The following TASP1 variants were observed in gnomAD, a reference collection of about 807,000 sequenced individuals.
The protein encoded by TASP1 is taspase 1.
TASP1 carries 16 observed loss-of-function variants against 56.6 expected under a neutral mutation model. The observed-to-expected ratio is 0.28, with a 90% confidence interval of 0.19 to 0.43. The LOEUF (loss-of-function observed/expected upper bound fraction) is 0.43, where lower values mean the gene tolerates loss of function less well. Ranked by LOEUF, TASP1 falls within the 20% of genes least tolerant of loss-of-function variation. TASP1 has a pLI of 1.00. For synonymous variants in TASP1, 179 were observed against 184.2 expected (o/e 0.97, Z 0.23); for missense variants, 393 against 511.6 (o/e 0.77, Z 2.24).
intron 10 of TASP1, among the ~76,000 whole-genome samples, chr20:13,523,958 G>A (rs562191085): frequency 2.0e-5 from 3 of 152,040 alleles, no homozygotes; most frequent in South Asian, 4.2e-4. Context: ...AGACCAGCCC[G>A]GGCAACACAG....
intron 1 of TASP1, among the ~76,000 whole-genome samples, chr20:13,634,302 T>C (rs983076004): frequency 9.2e-5 from 14 of 152,150 alleles, no homozygotes; most frequent in Admixed American, 1.3e-4. Context: ...TATGATTCCA[T>C]TTATATGAAA....
At chr20:13,393,748 C>A in intron 13 of TASP1, 1 of 696,566 alleles carries the variant, frequency 1.4e-6, no homozygotes, top group South Asian at 1.6e-5. Context: ...AGTCCCTGCC[C>A]ACACTCAGTC....
chr20:13,588,843 A>C (rs1006446445), intron 4 of TASP1, among the ~76,000 whole-genome samples: 4 of 152,190 alleles, frequency 2.6e-5, no homozygotes, highest in African/African-American at 9.7e-5. Flanking sequence ...CAAGAGACGC[A>C]GAATAACCAA....
At chr20:13,343,788 G>A in the TASP1 span, among the ~76,000 whole-genome samples, 1 of 152,118 alleles carries the variant, frequency 6.6e-6, no homozygotes, top group Non-Finnish European at 1.5e-5. Context: ...CCCAGCAGAC[G>A]GTTGCATCCT....
the TASP1 span, among the ~76,000 whole-genome samples, chr20:13,171,526 C>T: frequency 6.6e-6 from 1 of 152,042 alleles, no homozygotes; most frequent in Admixed American, 6.6e-5. Flanking sequence ...GCTATAACTG[C>T]TATATACAGT....
At chr20:13,166,818 C>T in the TASP1 span, 2 of 152,184 alleles carry the variant, frequency 1.3e-5, no homozygotes, top group Admixed American at 1.3e-4. Context: ...AAGTTTTAAG[C>T]CCCTAGACAT....
At chr20:13,419,432 A>C (rs763777781) in intron 12 of TASP1, among the ~76,000 whole-genome samples, 15 of 152,186 alleles carry the variant, frequency 9.9e-5, no homozygotes, top group Non-Finnish European at 1.5e-4. Context: ...ATTATATCTA[A>C]ATAAAAAGTT....
At position 13,390,195 on chromosome 20, in the gene TASP1, G is replaced by A. The variant is rs776637505; in HGVS notation, c.*165C>T. ...TCCCGCTCACCCACCAAAGGCCCGCGTGTCACTAAGCGCTAACTACAGCAG... is the reference window on the plus strand; with the variant it reads ...TCCCGCTCACCCACCAAAGGCCCGCATGTCACTAAGCGCTAACTACAGCAG... On this transcript the variant is annotated 3_prime_UTR_variant, in exon 14 of 14. Transcript: ENST00000337743. 11 of 606,782 alleles carry A rather than the reference G, an allele frequency of 1.8e-5. No homozygotes were observed. The highest frequency in any genetic ancestry group is 2.7e-4 in the Middle Eastern group (1 of 3,718). The allele number at this position is 606,782 out of a possible 1,614,324, so 37.6% of individuals were successfully genotyped here.
chr20:13,237,128 TG>T, the TASP1 span, among the ~76,000 whole-genome samples: 2 of 152,140 alleles, frequency 1.3e-5, no homozygotes, highest in Non-Finnish European at 2.9e-5. Context: ...GCAGCACACA[TG>T]AAGTCCCTCC....
At chr20:13,395,701 T>C (rs564058700) in intron 13 of TASP1, among the ~76,000 whole-genome samples, 1 of 150,982 alleles carries the variant, frequency 6.6e-6, no homozygotes, top group East Asian at 1.9e-4. Context: ...TTCTTTTTTT[T>C]TTTTTTTTCT....
chr20:13,281,991 T>C, the TASP1 span, among the ~76,000 whole-genome samples: 1 of 152,138 alleles, frequency 6.6e-6, no homozygotes, highest in Non-Finnish European at 1.5e-5. Flanking sequence ...AATGCAAATG[T>C]TTCAAGCCTG....
At chr20:13,273,702 G>A in the TASP1 span, among the ~76,000 whole-genome samples, 5,718 of 152,228 alleles carry the variant, frequency 0.038, 321 homozygotes, top group African/African-American at 0.13. Context: ...GAATGTTATT[G>A]GCCAAATGGA....
chr20:13,364,336 G>A, the TASP1 span, among the ~76,000 whole-genome samples: 6 of 152,296 alleles, frequency 3.9e-5, no homozygotes, highest in Middle Eastern at 3.4e-3. Flanking sequence ...TGGTGTGGGA[G>A]CCTGTGGAAG....
chr20:13,214,092 T>C, the TASP1 span, among the ~76,000 whole-genome samples: 1 of 152,278 alleles, frequency 6.6e-6, no homozygotes, highest in South Asian at 2.1e-4. Flanking sequence ...TAGGGACAAT[T>C]TGAACCATTT....
At chr20:13,189,246 C>A in the TASP1 span, among the ~76,000 whole-genome samples, 1 of 151,966 alleles carries the variant, frequency 6.6e-6, no homozygotes, top group South Asian at 2.1e-4. Context: ...TTGATCTAGG[C>A]AAAGAATTTA....
the TASP1 span, among the ~76,000 whole-genome samples, chr20:13,378,311 C>T: frequency 6.6e-6 from 1 of 152,148 alleles, no homozygotes; most frequent in Non-Finnish European, 1.5e-5. Context: ...TTATTTATTA[C>T]TGCCTTAATT....
At chr20:13,118,122 T>C in the TASP1 span, among the ~76,000 whole-genome samples, 1 of 152,052 alleles carries the variant, frequency 6.6e-6, no homozygotes, top group Non-Finnish European at 1.5e-5. Flanking sequence ...CCAGAAGTGA[T>C]AAGGGATGTT....
the TASP1 span, chr20:13,270,683 T>C: frequency 1.2e-6 from 2 of 1,613,942 alleles, no homozygotes; most frequent in Non-Finnish European, 1.7e-6. Context: ...TTCTCCTTGA[T>C]CTACCAAACT....
At chr20:13,447,767 C>T (rs1011816789) in intron 11 of TASP1, among the ~76,000 whole-genome samples, 5 of 152,100 alleles carry the variant, frequency 3.3e-5, no homozygotes, top group Non-Finnish European at 7.4e-5. Context: ...CTGGATTTGT[C>T]ATATCAACAT....
Sources: gnomAD v4.1 joint callset for allele counts (sites outside exome capture counted in the v4.1 genomes callset) on GRCh38, gnomAD v4.1.1 for gene constraint, MANE v1.5 for transcripts, NCBI Gene and HGNC (gene_info 2026-07-23, HGNC 2026-07-21) for gene names.